The following RPL18A variants were observed in gnomAD, a reference collection of about 807,000 sequenced individuals.
RPL18A encodes the protein ribosomal protein L18a, also known as large ribosomal subunit protein eL20.
For missense variants in RPL18A, 163 were observed against 254.1 expected (o/e 0.64, Z 2.44); for synonymous variants, 122 against 96.9 (o/e 1.26, Z -1.52).
In RPL18A at chr19:17,862,911, T is replaced by C. The variant is rs775771672; in HGVS notation, c.329-7T>C. The C allele has an allele frequency of 1.2e-6, 2 of 1,606,748 alleles. No homozygotes were observed. The highest frequency in any genetic ancestry group is 2.2e-5 in the South Asian group (2 of 90,944). On this transcript the variant is annotated splice_region_variant and splice_polypyrimidine_tract_variant and intron_variant, in intron 3 of 4. Transcript: ENST00000222247. ...CACCGTCACCCTGGCCCCGCTCCTT[T>C]CCACAGACCGAGACATGGGTGCCCG...
intron 1 of RPL18A, 182 bp downstream of exon 1, chr19:17,860,156 C>A: frequency 1.8e-6 from 1 of 555,602 alleles, no homozygotes; most frequent in Non-Finnish European, 3.0e-6. Context: ...GTGGAGAGAG[C>A]GATGCGTGAC....
intron 4 of RPL18A, 61 bp downstream of exon 4, chr19:17,863,088 G>A: frequency 1.9e-6 from 3 of 1,551,160 alleles, no homozygotes; most frequent in African/African-American, 2.7e-5. Flanking sequence ...GAGCCCAGTG[G>A]GGGGCGGCTA....
At chr19:17,861,917 C>T in intron 2 of RPL18A, 177 bp from the exon 3 acceptor site, 1 of 694,852 alleles carries the variant, frequency 1.4e-6, no homozygotes, top group East Asian at 2.8e-5. Context: ...TCCCTTACCT[C>T]ACGCTCCCTG....
intron 1 of RPL18A, 115 bp from the exon 2 acceptor site, chr19:17,861,178 G>C (rs766711242): frequency 1.4e-5 from 12 of 862,510 alleles, no homozygotes; most frequent in Admixed American, 2.1e-5. Flanking sequence ...GCCCTAGGGT[G>C]GCCCTGCCTC....
At chr19:17,862,835 G>A (rs2094279941) in intron 3 of RPL18A, 83 bp from the exon 4 acceptor site, 1 of 914,888 alleles carries the variant, frequency 1.1e-6, no homozygotes, top group Non-Finnish European at 1.8e-6. Context: ...GATGTGTCAG[G>A]TCATTGGGCA....
chr19:17,861,622 T>C, intron 2 of RPL18A, 150 bp downstream of exon 2: 1 of 662,274 alleles, frequency 1.5e-6, no homozygotes, highest in East Asian at 2.8e-5. Flanking sequence ...CCGGGTTGTG[T>C]TTCTGCCTGG....
intron 1 of RPL18A, chr19:17,861,082 C>G (rs760938863): frequency 3.4e-6 from 2 of 582,728 alleles, no homozygotes; most frequent in Non-Finnish European, 6.1e-6. Context: ...TTAATCCTCC[C>G]TGGAGACCTC....
intron 1 of RPL18A, 43 bp from the exon 2 acceptor site, chr19:17,861,250 G>A (rs1408028457): frequency 1.0e-5 from 16 of 1,579,218 alleles, no homozygotes; most frequent in Non-Finnish European, 1.4e-5. Flanking sequence ...CTCCACAGTT[G>A]CCTCTGGGTG....
chr19:17,861,999 T>C, intron 2 of RPL18A, 95 bp from the exon 3 acceptor site: 1 of 1,432,282 alleles, frequency 7.0e-7, no homozygotes, highest in Non-Finnish European at 9.5e-7. Flanking sequence ...GCCTGGAGCC[T>C]GGGGTGTGCT....
chr19:17,861,198 G>A, intron 1 of RPL18A, 95 bp from the exon 2 acceptor site: 1 of 1,219,336 alleles, frequency 8.2e-7, no homozygotes, highest in South Asian at 1.3e-5. Context: ...CCTGCTTCCC[G>A]AATCTGTGGT....
At chr19:17,861,263 G>A in intron 1 of RPL18A, 30 bp from the exon 2 acceptor site, 2 of 1,609,098 alleles carry the variant, frequency 1.2e-6, no homozygotes, top group Non-Finnish European at 1.7e-6. Context: ...TCTGGGTGCT[G>A]GCCTTACCCT....
chr19:17,860,112 T>G (rs1231344610), intron 1 of RPL18A, 138 bp downstream of exon 1: 4 of 720,126 alleles, frequency 5.6e-6, no homozygotes, highest in Non-Finnish European at 8.5e-6. Context: ...CCTTCTCTTG[T>G]TGCACCCAAC....
intron 3 of RPL18A, chr19:17,862,430 TC>T: frequency 1.5e-6 from 1 of 683,234 alleles, no homozygotes; most frequent in Non-Finnish European, 2.6e-6. Context: ...ATCTGGAAAC[TC>T]CCTTTTTGGG....
Position 17,859,942 on chromosome 19 carries a change from C to A in RPL18A, c.-15C>A, listed in dbSNP as rs549094579. The A allele has an allele frequency of 7.1e-6, 11 of 1,542,902 alleles. No individual in the cohort carries two copies. Among genetic ancestry groups the A allele is most frequent in the Non-Finnish European group, 1.7e-6 (2 of 1,145,268 alleles). On this transcript the variant is annotated 5_prime_UTR_variant, in exon 1 of 5. Transcript: ENST00000222247. The stretch of plus-strand genomic sequence containing the variant: ...ACTTCCTTTTGCGGGTGGCGGCGAA[C>A]GCGGAGAGCACGCCATGAAGGCCTC...
intron 1 of RPL18A, chr19:17,861,018 A>G (rs1050785671): frequency 3.1e-5 from 15 of 486,616 alleles, no homozygotes; most frequent in Non-Finnish European, 4.8e-5. Context: ...TCTAAGCCAC[A>G]GCTTTCCTGG....
At position 17,861,290 on chromosome 19, in the gene RPL18A, C is replaced by T. The variant is rs111956581; in HGVS notation, c.19-3C>T. 1 of 1,613,758 alleles carries T rather than the reference C, an allele frequency of 6.2e-7. No individual in the cohort carries two copies. Among genetic ancestry groups the T allele is most frequent in the Non-Finnish European group, 8.5e-7 (1 of 1,179,752 alleles). On this transcript the variant is annotated splice_region_variant and splice_polypyrimidine_tract_variant and intron_variant, in intron 1 of 4. Coordinates refer to ENST00000222247, the MANE Select transcript of RPL18A (RefSeq NM_000980.4). Reference sequence around the variant, plus strand: ...CCTTACCCTCACTCCTGTTTCCTTTCAGCTACGAGAGTACAAGGTAGTGGG... The same window carrying T: ...CCTTACCCTCACTCCTGTTTCCTTTTAGCTACGAGAGTACAAGGTAGTGGG...
intron 2 of RPL18A, 150 bp from the exon 3 acceptor site, chr19:17,861,943 AG>A: frequency 2.4e-6 from 2 of 837,638 alleles, no homozygotes; most frequent in Non-Finnish European, 3.6e-6. Context: ...GCCTGAAGGT[AG>A]GTGGGGCTGG....
chr19:17,861,520 C>A, intron 2 of RPL18A, 48 bp downstream of exon 2: 1 of 1,420,808 alleles, frequency 7.0e-7, no homozygotes, highest in Non-Finnish European at 9.6e-7. Flanking sequence ...ATTTGCGCCT[C>A]TTGGGACATC....
At chr19:17,862,354 G>A in intron 3 of RPL18A, 131 bp downstream of exon 3, 2 of 1,145,748 alleles carry the variant, frequency 1.7e-6, no homozygotes, top group Non-Finnish European at 2.5e-6. Flanking sequence ...AAGACAAAAG[G>A]ATGCCCCAGG....
Sources: gnomAD v4.1 joint callset for allele counts on GRCh38, gnomAD v4.1.1 for gene constraint, MANE v1.5 for transcripts, NCBI Gene and HGNC (gene_info 2026-07-23, HGNC 2026-07-21) for gene names.